PPP2R2C: variants seen among roughly 807,000 people sequenced by gnomAD.
PPP2R2C encodes protein phosphatase 2 regulatory subunit Bgamma.
In PPP2R2C, 10 loss-of-function variants were observed where a neutral mutation model predicts 45.3. The ratio of observed to expected loss-of-function variants is 0.22; its 90% CI spans 0.14 to 0.37. The LOEUF (loss-of-function observed/expected upper bound fraction) is 0.37, where lower values mean the gene tolerates loss of function less well. PPP2R2C is among the 10% of genes least tolerant of loss of function. The probability of loss-of-function intolerance (pLI) is 1.00; values close to 1 mark genes in which losing one functional copy is unlikely to be tolerated. For synonymous variants in PPP2R2C, 257 were observed against 245.4 expected (o/e 1.05, Z -0.44); for missense variants, 308 against 619.7 (o/e 0.50, Z 5.34).
chr4:6,477,777 CTGCACTTAGGA>C (rs1170138148), intron 2 of PPP2R2C, among the ~76,000 whole-genome samples: 1 of 149,054 alleles, frequency 6.7e-6, no homozygotes, highest in Non-Finnish European at 1.5e-5. Context: ...TCCTCTTTGT[CTGCACTTAGGA>C]TGCACTGGAG....
rs768616454 is a variant in PPP2R2C, at chr4:6,322,314, G to A, written c.*988C>T. 6.6e-6 allele frequency: 1 copy of A among 152,212 alleles called. No homozygotes were observed. Among genetic ancestry groups the A allele is most frequent in the Non-Finnish European group, 1.5e-5 (1 of 68,062 alleles). The allele number at this position is 152,212 out of a possible 1,614,324, so 9.4% of individuals were successfully genotyped here. On this transcript the variant is annotated 3_prime_UTR_variant, in exon 9 of 9. Coordinates refer to ENST00000382599, the MANE Select transcript of PPP2R2C (RefSeq NM_020416.4). The surrounding 1 kb of genome is among the most constrained non-coding windows in gnomAD (Gnocchi z 7.8). ...GCCTCAGCTTCTTCTCGTGGACAGA[G>A]GGGATCCTAAGGGTTCCCGCTTATC...
At chr4:6,355,864 G>A (rs1417209935) in intron 5 of PPP2R2C, among the ~76,000 whole-genome samples, 2 of 151,766 alleles carry the variant, frequency 1.3e-5, no homozygotes, top group Admixed American at 6.6e-5. Flanking sequence ...CGTGGTAGTG[G>A]GCACCTGTAA....
Position 6,328,337 on chromosome 4 carries a change from C to T in PPP2R2C, c.1052+925G>A, listed in dbSNP as rs1333623220. Among the ~76,000 whole-genome samples, 4 of 152,164 alleles carry T rather than the reference C, an allele frequency of 2.6e-5. No homozygotes were observed. The South Asian group carries it at 8.3e-4, about 32-fold the overall frequency. ...CTGGAGACCCACTTCTGAATCTGGG[C>T]GGCTGGACAAAGAGGCATCCTGTCC... On this transcript the variant is annotated intron_variant, in intron 8 of 8. Coordinates refer to ENST00000382599, the MANE Select transcript of PPP2R2C (RefSeq NM_020416.4). This position sits in a 1 kb window ranked among gnomAD's most constrained non-coding sequence, Gnocchi z 4.4.
chr4:6,445,786 G>A lies in PPP2R2C; in HGVS notation c.70+26374C>T, dbSNP rs542331300. 7.9e-4 allele frequency among the ~76,000 whole-genome samples: 121 copies of A among 152,220 alleles called. 1 individual carries two copies. In the Middle Eastern group the frequency reaches 0.024, roughly 30 times the overall value. On this transcript the variant is annotated intron_variant, in intron 1 of 8. Transcript: ENST00000382599. ...CACTAATGCAAGTGACCCAAGAGGT[G>A]CTTTCTAAGCAGGGAGGCCTGGCTC...
At chr4:6,352,218 G>A (rs1429213194) in intron 5 of PPP2R2C, among the ~76,000 whole-genome samples, 3 of 151,918 alleles carry the variant, frequency 2.0e-5, no homozygotes, top group Non-Finnish European at 2.9e-5. Flanking sequence ...TGGGCGTCTG[G>A]TCTTGGCTGT....
intron 1 of PPP2R2C, among the ~76,000 whole-genome samples, chr4:6,536,776 T>C (rs1255670250): frequency 1.3e-5 from 2 of 152,260 alleles, no homozygotes; most frequent in Non-Finnish European, 2.9e-5. Flanking sequence ...GTGTTGTTTG[T>C]AATGGCAAGT....
In PPP2R2C at chr4:6,379,732, G is replaced by A. The variant is rs190319580; in HGVS notation, c.169-1160C>T. ...AGGAACTGATTGGCAGCTAGGATGTGCCCCTTGTCAACTATTTTAACCCTC... is the reference window on the plus strand; with the variant it reads ...AGGAACTGATTGGCAGCTAGGATGTACCCCTTGTCAACTATTTTAACCCTC... On this transcript the variant is annotated intron_variant, in intron 2 of 8. Coordinates refer to ENST00000382599, the MANE Select transcript of PPP2R2C (RefSeq NM_020416.4). Among the ~76,000 whole-genome samples the A allele has an allele frequency of 2.1e-3, 319 of 152,310 alleles. 2 individuals are homozygous for A. Among genetic ancestry groups the A allele is most frequent in the African/African-American group, 7.3e-3 (303 of 41,568 alleles).
chr4:6,324,671 G>T lies in PPP2R2C; in HGVS notation c.1053-1078C>A, dbSNP rs1731810433. 6.6e-6 allele frequency among the ~76,000 whole-genome samples: 1 copy of T among 152,190 alleles called. No individual in the cohort carries two copies. Among genetic ancestry groups the T allele is most frequent in the Non-Finnish European group, 1.5e-5 (1 of 68,036 alleles). ...GGGGCGAGCAGTGCTGACGTGCAGG[G>T]GCTCGCTGCCCTCACCGTCCCGCTA... On this transcript the variant is annotated intron_variant, in intron 8 of 8. Transcript: ENST00000382599. This position sits in a 1 kb window ranked among gnomAD's most constrained non-coding sequence, Gnocchi z 4.1.
At chr4:6,503,833 G>C (rs1044278705) in intron 2 of PPP2R2C, among the ~76,000 whole-genome samples, 7 of 150,088 alleles carry the variant, frequency 4.7e-5, no homozygotes, top group African/African-American at 1.7e-4. Flanking sequence ...TCTGCTTCTA[G>C]CAATGCTAAG....
intron 3 of PPP2R2C, among the ~76,000 whole-genome samples, chr4:6,376,389 G>A (rs770247233): frequency 5.3e-5 from 8 of 152,084 alleles, no homozygotes; most frequent in East Asian, 1.9e-4. Flanking sequence ...TGAGGGGAGC[G>A]GAGTGTAGGG....
chr4:6,405,612 G>C (rs1046206542), intron 1 of PPP2R2C, among the ~76,000 whole-genome samples: 1 of 152,130 alleles, frequency 6.6e-6, no homozygotes, highest in East Asian at 1.9e-4. Context: ...AATCCCCCAG[G>C]TTCCTGGGGA....
chr4:6,426,696 G>C (rs1399184290), intron 1 of PPP2R2C, among the ~76,000 whole-genome samples: 1 of 152,190 alleles, frequency 6.6e-6, no homozygotes, highest in Admixed American at 6.5e-5. Context: ...GGGTGGAGCA[G>C]AGCTGGGACA....
Position 6,483,470 on chromosome 4 carries a change from A to G in PPP2R2C, c.49+51801T>C, listed in dbSNP as rs957479220. On this transcript the variant is annotated intron_variant, in intron 2 of 9. Coordinates refer to the PPP2R2C transcript ENST00000506140. ...CAGCCTTTTTAATGATAGCCATTCT[A>G]ACAGTTATGTAATAGTAGTATCTCA... Among the ~76,000 whole-genome samples, 4 of 152,104 alleles carry G rather than the reference A, an allele frequency of 2.6e-5. No homozygotes were observed. In the South Asian group the frequency reaches 8.3e-4, roughly 32 times the overall value.
In PPP2R2C at chr4:6,329,486, G is replaced by A. The variant is rs933039693; in HGVS notation, c.961-133C>T. ...CCAGCGCAGACCTGCTCATCTCAGC[G>A]AGGGTCTGAATGCTCTGACACAGCC... On this transcript the variant is annotated intron_variant, in intron 7 of 8. Transcript: ENST00000382599. This position sits in a 1 kb window ranked among gnomAD's most constrained non-coding sequence, Gnocchi z 5.8. 1.7e-5 allele frequency: 13 copies of A among 753,270 alleles called. No homozygotes were observed. Among genetic ancestry groups the A allele is most frequent in the Admixed American group, 2.1e-5 (1 of 47,994 alleles). 46.7% of individuals were successfully genotyped at this position (753,270 alleles called of 1,614,324 possible). A position where few individuals can be genotyped will look rare whatever the true frequency, so the allele number is the denominator to read the frequency against.
At position 6,472,382 on chromosome 4, in the gene PPP2R2C, G is replaced by A. The variant is rs1009731117; in HGVS notation, c.-153C>T. 9.9e-7 allele frequency: 1 copy of A among 1,006,616 alleles called. No individual in the cohort carries two copies. Among genetic ancestry groups the A allele is most frequent in the South Asian group, 4.5e-5 (1 of 21,980 alleles). 62.4% of individuals were successfully genotyped at this position (1,006,616 alleles called of 1,614,324 possible). ...AGGGAGGGCATCGCGGCAGGGGGAC[G>A]GGCGGGGGCGGCCGGGGGCGGGCGC... On this transcript the variant is annotated 5_prime_UTR_variant, in exon 1 of 9. Coordinates refer to ENST00000382599, the MANE Select transcript of PPP2R2C (RefSeq NM_020416.4).
At chr4:6,462,455 G>A (rs1476312227) in intron 1 of PPP2R2C, among the ~76,000 whole-genome samples, 1 of 151,962 alleles carries the variant, frequency 6.6e-6, no homozygotes, top group East Asian at 1.9e-4. Context: ...CTCCAGCCTG[G>A]GCGACAGAGT....
chr4:6,527,224 C>T (rs375215818), intron 2 of PPP2R2C, among the ~76,000 whole-genome samples: 2 of 152,226 alleles, frequency 1.3e-5, no homozygotes, highest in African/African-American at 4.8e-5. Context: ...ACTCGCTGAG[C>T]GACCTTGGCC....
intron 1 of PPP2R2C, among the ~76,000 whole-genome samples, chr4:6,428,274 G>T (rs1219841541): frequency 6.6e-6 from 1 of 152,186 alleles, no homozygotes; most frequent in Non-Finnish European, 1.5e-5. Flanking sequence ...CGTCAACATG[G>T]CTGTGTTTGG....
At chr4:6,436,301 T>C (rs956256570) in intron 1 of PPP2R2C, among the ~76,000 whole-genome samples, 3 of 152,252 alleles carry the variant, frequency 2.0e-5, no homozygotes, top group Non-Finnish European at 4.4e-5. Context: ...TGAGAGGAAC[T>C]ATAGGTCTTG....
Sources: allele counts gnomAD v4.1 joint callset (sites outside exome capture counted in the v4.1 genomes callset), GRCh38; gene constraint gnomAD v4.1.1; non-coding constraint Gnocchi (gnomAD v3.1); transcripts MANE v1.5; gene names NCBI Gene and HGNC (gene_info 2026-07-23, HGNC 2026-07-21).